The following BOC variants were observed in gnomAD, a reference collection of about 807,000 sequenced individuals.
The protein encoded by BOC is brother of CDO.
A neutral mutation model predicts 112.0 loss-of-function variants in BOC; 76 were observed. That is an observed-to-expected ratio of 0.68 (90% CI 0.56 to 0.82). The LOEUF is 0.82. Ranked by LOEUF, BOC falls within the 40% of genes least tolerant of loss-of-function variation. BOC has a pLI of 0.00. For missense variants in BOC, 1,309 were observed against 1,511.7 expected (o/e 0.87, Z 2.22); for synonymous variants, 580 against 599.8 (o/e 0.97, Z 0.48).
At chr3:113,228,287 G>T (rs749166189) in intron 2 of BOC, among the ~76,000 whole-genome samples, 15 of 152,010 alleles carry the variant, frequency 9.9e-5, no homozygotes, top group Non-Finnish European at 1.8e-4. Flanking sequence ...GAGTTGAGGT[G>T]GGGCCCATTA....
intron 2 of BOC, among the ~76,000 whole-genome samples, chr3:113,240,948 T>A (rs1020651079): frequency 2.6e-5 from 4 of 152,200 alleles, no homozygotes; most frequent in Admixed American, 1.3e-4. Context: ...TTAGCTTGGC[T>A]GTGGCAGACC....
chr3:113,277,511 A>G (rs2107698502), intron 9 of BOC, among the ~76,000 whole-genome samples: 1 of 152,364 alleles, frequency 6.6e-6, no homozygotes, highest in South Asian at 2.1e-4. Context: ...CAAATTGCTC[A>G]TTTCTCTAAA....
At chr3:113,241,977 G>T (rs914565175) in intron 2 of BOC, among the ~76,000 whole-genome samples, 2 of 152,150 alleles carry the variant, frequency 1.3e-5, no homozygotes, top group African/African-American at 4.8e-5. Context: ...AGGAAGGAAG[G>T]TGGAGGTGGG....
intron 12 of BOC, 97 bp from the exon 13 acceptor site, chr3:113,279,727 C>A: frequency 7.5e-7 from 1 of 1,335,154 alleles, no homozygotes; most frequent in Non-Finnish European, 1.0e-6. Context: ...GGAAGGGCTG[C>A]CCAGAAGACC....
chr3:113,228,259 G>A (rs1165179287), intron 2 of BOC, among the ~76,000 whole-genome samples: 3 of 152,124 alleles, frequency 2.0e-5, no homozygotes, highest in African/African-American at 4.8e-5. Context: ...CTGGGGGGAC[G>A]GGGCAGATGA....
intron 2 of BOC, among the ~76,000 whole-genome samples, chr3:113,221,214 A>G (rs758362534): frequency 6.6e-6 from 1 of 152,224 alleles, no homozygotes; most frequent in Non-Finnish European, 1.5e-5. Flanking sequence ...CAGTCTGTAG[A>G]AGGTAGCTGT....
At chr3:113,238,385 T>C (rs1943852982) in intron 2 of BOC, among the ~76,000 whole-genome samples, 1 of 152,218 alleles carries the variant, frequency 6.6e-6, no homozygotes, top group Non-Finnish European at 1.5e-5. Flanking sequence ...ATTCTCTTTT[T>C]TCTTTAACTG....
chr3:113,232,024 C>T (rs1231633897), intron 2 of BOC, among the ~76,000 whole-genome samples: 1 of 152,102 alleles, frequency 6.6e-6, no homozygotes, highest in African/African-American at 2.4e-5. Context: ...GCTGTGTGTA[C>T]CTGGGAATGG....
At chr3:113,223,803 G>A (rs1464097726) in intron 2 of BOC, among the ~76,000 whole-genome samples, 1 of 152,164 alleles carries the variant, frequency 6.6e-6, no homozygotes, top group Non-Finnish European at 1.5e-5. Context: ...TTCCAGCTGG[G>A]GAGCAGAGAC....
At chr3:113,234,900 T>G (rs1245459072) in intron 2 of BOC, among the ~76,000 whole-genome samples, 1 of 152,248 alleles carries the variant, frequency 6.6e-6, no homozygotes, top group Non-Finnish European at 1.5e-5. Context: ...CCTCGAGCGC[T>G]TCCTGGGATA....
chr3:113,242,055 A>C (rs1469984607), intron 2 of BOC, among the ~76,000 whole-genome samples: 1 of 152,022 alleles, frequency 6.6e-6, no homozygotes, highest in African/African-American at 2.4e-5. Context: ...ATGAAGAGAG[A>C]GAAATAAAGC....
chr3:113,240,219 A>G lies in BOC; in HGVS notation c.-81-9503A>G, dbSNP rs560027365. ...ATGCATCTCAGCAGTGGGTAAGAAC[A>G]GGGAATGTGGAATGTATCAAGCTTG... On this transcript the variant is annotated intron_variant, in intron 2 of 19. Coordinates refer to ENST00000682979, the MANE Select transcript of BOC (RefSeq NM_001378074.1). 1.1e-4 allele frequency among the ~76,000 whole-genome samples: 16 copies of G among 152,368 alleles called. No individual in the cohort carries two copies. The East Asian group carries it at 1.2e-3, about 11-fold the overall frequency.
intron 2 of BOC, among the ~76,000 whole-genome samples, chr3:113,249,438 T>C (rs970882349): frequency 3.4e-4 from 52 of 152,228 alleles, no homozygotes; most frequent in Admixed American, 3.9e-4. Context: ...CCTCTGCCCC[T>C]CCTCCTCGTT....
At chr3:113,282,071 G>A (rs1209004893) in intron 15 of BOC, among the ~76,000 whole-genome samples, 1 of 152,240 alleles carries the variant, frequency 6.6e-6, no homozygotes, top group Non-Finnish European at 1.5e-5. Flanking sequence ...TGGAGGACAA[G>A]GCTGGACATA....
chr3:113,260,728 G>T (rs1946777528), intron 4 of BOC, among the ~76,000 whole-genome samples: 1 of 123,518 alleles, frequency 8.1e-6, no homozygotes, highest in South Asian at 2.5e-4. Context: ...AGAAAGAACA[G>T]AACAGAACAG....
At chr3:113,233,196 T>TGTGTGTGTGTGTGTG (rs55714363) in intron 2 of BOC, among the ~76,000 whole-genome samples, 2 of 132,990 alleles carry the variant, frequency 1.5e-5, no homozygotes, top group Non-Finnish European at 1.6e-5. Flanking sequence ...TGTGTGTGTG[T>TGTGTGTGTGTGTGTG]CGGGGGTTGG....
chr3:113,212,764 G>C (rs559822800), intron 1 of BOC: 1 of 152,606 alleles, frequency 6.6e-6, no homozygotes, highest in South Asian at 2.1e-4. Flanking sequence ...GTGCGTGTTC[G>C]CGCCAGCAGC....
In BOC at chr3:113,233,148, G is replaced by GGGGTGTGT. The variant is rs75678874; in HGVS notation, c.-81-16573_-81-16572insGGTGTGTG. Among the ~76,000 whole-genome samples the GGGGTGTGT allele has an allele frequency of 3.2e-3, 394 of 124,030 alleles. 13 individuals are homozygous for GGGGTGTGT. The highest frequency in any genetic ancestry group is 0.02 in the Admixed American group (233 of 11,718). 81.4% of individuals were successfully genotyped at this position (124,030 alleles called of 152,430 possible). On this transcript the variant is annotated intron_variant, in intron 2 of 19. Transcript: ENST00000682979. ...CATGCATGAGCATGTAAAGGATTGG[G>GGGGTGTGT]GTGTGTGTGTGTGTGTGTGTGTGTG...
intron 1 of BOC, among the ~76,000 whole-genome samples, chr3:113,215,837 C>G (rs773969575): frequency 2.6e-5 from 4 of 152,318 alleles, no homozygotes; most frequent in Admixed American, 6.5e-5. Flanking sequence ...ATTATCACCC[C>G]AAATCCCTTC....
Sources: gnomAD v4.1 joint callset for allele counts (sites outside exome capture counted in the v4.1 genomes callset) on GRCh38, gnomAD v4.1.1 for gene constraint, MANE v1.5 for transcripts, NCBI Gene and HGNC (gene_info 2026-07-23, HGNC 2026-07-21) for gene names.